Variants in MAP2K6 observed in about 807,000 individuals in gnomAD.
The protein encoded by MAP2K6 is mitogen-activated protein kinase kinase 6, also known as dual specificity mitogen-activated protein kinase kinase 6.
A neutral mutation model predicts 53.7 loss-of-function variants in MAP2K6; 16 were observed. The observed-to-expected ratio is 0.30, with a 90% CI of 0.20 to 0.45. MAP2K6 has a LOEUF of 0.45. MAP2K6 is among the 20% of genes least tolerant of loss of function. The pLI is 1.00. For missense variants in MAP2K6, 204 were observed against 411.9 expected (o/e 0.50, Z 4.37); for synonymous variants, 132 against 143.1 (o/e 0.92, Z 0.55).
chr17:69,526,711 T>C lies in MAP2K6; in HGVS notation c.881+2T>C. 1 of 1,611,352 alleles carries C rather than the reference T, an allele frequency of 6.2e-7. No individual in the cohort carries two copies. The highest frequency in any genetic ancestry group is 8.5e-7 in the Non-Finnish European group (1 of 1,179,664). On this transcript the variant is annotated splice_donor_variant, in intron 10 of 11. Transcript: ENST00000590474. LOFTEE classifies it high-confidence loss of function. ...GTTTGTTGACTTTACCTCACAGTGG[T>C]AAGACAGCCTCACCTCCCAAGTGTC... is the stretch of plus-strand genomic sequence containing the variant.
In MAP2K6 at chr17:69,512,198, C is replaced by A. The variant is rs917120149; in HGVS notation, c.84-4657C>A. ...CAATTATGTACTCTTAGCCACACAT[C>A]AGACTGGTAGAGGCTGTGAGCAAAC... On this transcript the variant is annotated intron_variant, in intron 2 of 11. Coordinates refer to ENST00000590474, the MANE Select transcript of MAP2K6 (RefSeq NM_002758.4). Among the ~76,000 whole-genome samples, 10 of 151,918 alleles carry A rather than the reference C, an allele frequency of 6.6e-5. No homozygotes were observed. In the East Asian group the frequency reaches 1.9e-3, roughly 29 times the overall value.
chr17:69,522,179 A>C (rs1255360579), intron 7 of MAP2K6, among the ~76,000 whole-genome samples: 1 of 151,964 alleles, frequency 6.6e-6, no homozygotes, highest in Non-Finnish European at 1.5e-5. Flanking sequence ...TAATTCTTAA[A>C]CTCTCTGAGC....
At chr17:69,523,983 A>G (rs879914309) in intron 8 of MAP2K6, among the ~76,000 whole-genome samples, 7 of 152,142 alleles carry the variant, frequency 4.6e-5, no homozygotes, top group Admixed American at 1.3e-4. Flanking sequence ...AGGATCATAC[A>G]TAGCACCTTC....
chr17:69,464,356 A>ATTTTTAT (rs947221939), intron 1 of MAP2K6, among the ~76,000 whole-genome samples: 23 of 151,910 alleles, frequency 1.5e-4, no homozygotes, highest in Admixed American at 1.3e-4. Flanking sequence ...CTCACTACTT[A>ATTTTTAT]TTTTTATTTT....
chr17:69,522,414 A>T (rs943586192), intron 7 of MAP2K6, among the ~76,000 whole-genome samples: 1 of 152,228 alleles, frequency 6.6e-6, no homozygotes, highest in African/African-American at 2.4e-5. Context: ...TATAAAAATA[A>T]TAAAATGAAA....
At chr17:69,425,394 C>A (rs570302981) in intron 1 of MAP2K6, among the ~76,000 whole-genome samples, 1 of 151,918 alleles carries the variant, frequency 6.6e-6, no homozygotes, top group African/African-American at 2.4e-5. Flanking sequence ...CTCACTGCAA[C>A]CTCCGCCTCC....
chr17:69,509,971 T>C (rs1471185531), intron 2 of MAP2K6, among the ~76,000 whole-genome samples: 2 of 152,040 alleles, frequency 1.3e-5, no homozygotes, highest in Admixed American at 6.6e-5. Flanking sequence ...GCCTCCAAAG[T>C]AGGTGGAACT....
At chr17:69,496,882 C>G (rs1908975060) in intron 1 of MAP2K6, among the ~76,000 whole-genome samples, 1 of 152,166 alleles carries the variant, frequency 6.6e-6, no homozygotes, top group Admixed American at 6.5e-5. Context: ...GCCACCCCCA[C>G]TGACCTGACT....
intron 1 of MAP2K6, among the ~76,000 whole-genome samples, chr17:69,438,799 G>C (rs542751496): frequency 2.9e-4 from 44 of 152,248 alleles, no homozygotes; most frequent in African/African-American, 1.1e-3. Context: ...TGCCCAGGCT[G>C]ATATTGAACT....
At chr17:69,451,128 C>T (rs192884813) in intron 1 of MAP2K6, among the ~76,000 whole-genome samples, 7 of 152,310 alleles carry the variant, frequency 4.6e-5, no homozygotes, top group East Asian at 1.9e-4. Context: ...ATGGCTGAAG[C>T]GAAGGCAAAC....
At chr17:69,491,587 A>G (rs746941218) in intron 1 of MAP2K6, among the ~76,000 whole-genome samples, 15 of 152,086 alleles carry the variant, frequency 9.9e-5, no homozygotes, top group Non-Finnish European at 1.3e-4. Flanking sequence ...TAGACCCAGT[A>G]ATGGCATTGC....
chr17:69,531,962 T>G (rs1336631771), intron 10 of MAP2K6, among the ~76,000 whole-genome samples: 2 of 152,158 alleles, frequency 1.3e-5, no homozygotes, highest in East Asian at 3.9e-4. Context: ...CACTTTTCAT[T>G]ATAAACTCTT....
At position 69,420,330 on chromosome 17, in the gene MAP2K6, AT is replaced by A. The variant is rs891105322; in HGVS notation, c.16+5338del. ...CATTGTTGCAGAGAAATTTAATCTAATTTTTTTTAGCTTCCTGTGCAATGCC... is the reference window on the plus strand; with the variant it reads ...CATTGTTGCAGAGAAATTTAATCTAATTTTTTTAGCTTCCTGTGCAATGCC... On this transcript the variant is annotated intron_variant, in intron 1 of 11. Transcript: ENST00000590474. Among the ~76,000 whole-genome samples, 26 of 152,070 alleles carry A rather than the reference AT, an allele frequency of 1.7e-4. No homozygotes were observed. In the South Asian group the frequency reaches 2.7e-3, roughly 16 times the overall value.
At chr17:69,465,682 C>T (rs544781359) in intron 1 of MAP2K6, among the ~76,000 whole-genome samples, 3 of 150,554 alleles carry the variant, frequency 2.0e-5, no homozygotes, top group African/African-American at 7.3e-5. Context: ...TACAATGGTG[C>T]AATCTCGGCT....
Position 69,494,517 on chromosome 17 carries a change from A to C in MAP2K6, c.17-11263A>C, listed in dbSNP as rs552359027. Among the ~76,000 whole-genome samples the C allele has an allele frequency of 6.6e-6, 1 of 151,988 alleles. No individual in the cohort carries two copies. The highest frequency in any genetic ancestry group is 1.5e-5 in the Non-Finnish European group (1 of 67,996). ...TGTCTTTAAAAAAAAAAAGAAAGGA[A>C]AAAACAAAATGAATGGAGAGCCCCT... On this transcript the variant is annotated intron_variant, in intron 1 of 11. Transcript: ENST00000590474. The surrounding 1 kb of genome is among the most constrained non-coding windows in gnomAD (Gnocchi z 4.2).
Position 69,536,174 on chromosome 17 carries a change from G to C in MAP2K6, c.927+14G>C. 6.2e-7 allele frequency: 1 copy of C among 1,606,368 alleles called. No individual in the cohort carries two copies. Among genetic ancestry groups the C allele is most frequent in the South Asian group, 1.1e-5 (1 of 90,448 alleles). Reference sequence around the variant, plus strand: ...CCAGAGCTAATGGTGAGTATTGTTAGCAACGTAAACATGACTATACTGATA... The same window carrying C: ...CCAGAGCTAATGGTGAGTATTGTTACCAACGTAAACATGACTATACTGATA... On this transcript the variant is annotated intron_variant, in intron 11 of 11. Transcript: ENST00000590474.
chr17:69,508,082 G>T (rs866618596), intron 2 of MAP2K6, among the ~76,000 whole-genome samples: 3 of 52,010 alleles, frequency 5.8e-5, no homozygotes, highest in African/African-American at 1.4e-4. Context: ...ACGGAGTTTC[G>T]CTCTTGTTGC....
At chr17:69,486,962 T>C (rs1231866310) in intron 1 of MAP2K6, among the ~76,000 whole-genome samples, 3 of 152,096 alleles carry the variant, frequency 2.0e-5, no homozygotes, top group Non-Finnish European at 4.4e-5. Context: ...AAGGTGAAAA[T>C]ATGTTGGGCA....
chr17:69,528,050 A>G (rs1280349939), intron 10 of MAP2K6, among the ~76,000 whole-genome samples: 2 of 140,096 alleles, frequency 1.4e-5, no homozygotes, highest in Non-Finnish European at 3.0e-5. Flanking sequence ...TGGAGGCTGC[A>G]GTGAGCCGAG....
Sources: allele counts gnomAD v4.1 joint callset (sites outside exome capture counted in the v4.1 genomes callset), GRCh38; gene constraint gnomAD v4.1.1; non-coding constraint Gnocchi (gnomAD v3.1); transcripts MANE v1.5; gene names NCBI Gene and HGNC (gene_info 2026-07-23, HGNC 2026-07-21).